The following USH2A variants were observed in gnomAD, a reference collection of about 807,000 sequenced individuals.
The protein encoded by USH2A is usherin, also known as Usher syndrome 2A (autosomal recessive, mild).
In USH2A, 443 loss-of-function variants were observed where a neutral mutation model predicts 538.9. That is an observed-to-expected ratio of 0.82 (90% confidence interval 0.76 to 0.89). The LOEUF (loss-of-function observed/expected upper bound fraction) is 0.89, where lower values mean the gene tolerates loss of function less well. Ranked by LOEUF, USH2A falls within the 40% of genes least tolerant of loss-of-function variation. USH2A has a pLI of 0.00. For synonymous variants in USH2A, 2,413 were observed against 2,273.5 expected, an observed-to-expected ratio of 1.06 and a Z score of -1.75; for missense variants, 6,633 against 6,324.8, an observed-to-expected ratio of 1.05 and a Z score of -1.65.
chr1:216,329,955 T>C (rs977473019), intron 4 of USH2A, among the ~76,000 whole-genome samples: 15 of 152,226 alleles, frequency 9.9e-5, no homozygotes, highest in African/African-American at 3.4e-4. Flanking sequence ...GATAAAATAT[T>C]GTCTAAAATA....
At chr1:215,758,891 A>G (rs2102741508) in intron 57 of USH2A, 139 bp from the exon 58 acceptor site, 1 of 889,712 alleles carries the variant, frequency 1.1e-6, no homozygotes, top group Non-Finnish European at 1.8e-6. Flanking sequence ...CAGAAACTTG[A>G]CTTGGTAGTT....
chr1:215,821,007 G>A (rs1348580863), intron 47 of USH2A, among the ~76,000 whole-genome samples: 1 of 151,730 alleles, frequency 6.6e-6, no homozygotes. Context: ...CACTTAGGTT[G>A]ATTTCATATT....
intron 61 of USH2A, among the ~76,000 whole-genome samples, chr1:215,715,146 C>T (rs116373358): frequency 1.4e-3 from 218 of 152,284 alleles, no homozygotes; most frequent in African/African-American, 5.0e-3. Flanking sequence ...CCTCCCCTCA[C>T]CCCCCTAATA....
At chr1:215,777,446 T>TA (rs1344531012) in intron 55 of USH2A, among the ~76,000 whole-genome samples, 10 of 152,254 alleles carry the variant, frequency 6.6e-5, no homozygotes, top group African/African-American at 2.4e-4. Context: ...GTTAAGTTGA[T>TA]AGATACTACA....
chr1:215,700,071 G>T (rs1658956332), intron 61 of USH2A, among the ~76,000 whole-genome samples: 1 of 152,044 alleles, frequency 6.6e-6, no homozygotes, highest in African/African-American at 2.4e-5. Flanking sequence ...TAATCATGTG[G>T]TTTTTGTCAT....
At chr1:216,164,135 A>T (rs550592436) in intron 21 of USH2A, among the ~76,000 whole-genome samples, 115 of 152,214 alleles carry the variant, frequency 7.6e-4, no homozygotes, top group African/African-American at 2.6e-3. Context: ...CCTTTTTACG[A>T]CAGCAATCAT....
chr1:215,769,831 A>G (rs1227125755), intron 55 of USH2A, among the ~76,000 whole-genome samples: 1 of 152,182 alleles, frequency 6.6e-6, no homozygotes, highest in East Asian at 1.9e-4. Context: ...TGAGGAAAGG[A>G]GACAAAGATT....
At chr1:216,400,248 A>G (rs2039283956) in intron 3 of USH2A, among the ~76,000 whole-genome samples, 1 of 151,126 alleles carries the variant, frequency 6.6e-6, no homozygotes, top group African/African-American at 2.4e-5. Flanking sequence ...AAAAGATCCA[A>G]ACGGAAACTA....
chr1:215,799,581 G>A (rs1477222786), intron 49 of USH2A, among the ~76,000 whole-genome samples: 1 of 152,064 alleles, frequency 6.6e-6, no homozygotes, highest in Non-Finnish European at 1.5e-5. Flanking sequence ...CATGAGAGGA[G>A]GTAAAAAATA....
chr1:216,089,652 C>T (rs2032246238), intron 22 of USH2A, among the ~76,000 whole-genome samples: 1 of 151,860 alleles, frequency 6.6e-6, no homozygotes, highest in South Asian at 2.1e-4. Context: ...ATACATTAAA[C>T]ATAAGGGTGG....
intron 35 of USH2A, among the ~76,000 whole-genome samples, chr1:215,984,727 CAAT>C (rs1239166443): frequency 4.6e-5 from 7 of 152,272 alleles, no homozygotes; most frequent in African/African-American, 1.4e-4. Context: ...AATTAAACAA[CAAT>C]GCTTTAGTGT....
chr1:216,295,900 T>C (rs974706086), intron 9 of USH2A, among the ~76,000 whole-genome samples: 1 of 152,054 alleles, frequency 6.6e-6, no homozygotes, highest in African/African-American at 2.4e-5. Context: ...ATTTAGTATT[T>C]TAGAACAGTT....
intron 64 of USH2A, among the ~76,000 whole-genome samples, chr1:215,655,814 C>T (rs934360398): frequency 1.4e-5 from 2 of 145,326 alleles, no homozygotes; most frequent in African/African-American, 5.1e-5. Flanking sequence ...CGACTCACTG[C>T]GATCTCCACC....
intron 30 of USH2A, among the ~76,000 whole-genome samples, chr1:216,058,781 T>C (rs1409197191): frequency 6.6e-6 from 1 of 152,172 alleles, no homozygotes; most frequent in East Asian, 1.9e-4. Context: ...CACAAAAAAA[T>C]ATTAACATTA....
rs1212931731 is a variant in USH2A, at chr1:216,190,338, T to C, written c.4281A>G (p.Leu1427=). The C allele has an allele frequency of 1.9e-6, 3 of 1,612,078 alleles. No homozygotes were observed. Among genetic ancestry groups the C allele is most frequent in the South Asian group, 2.2e-5 (2 of 91,048 alleles). Residue 1427 remains leucine, a synonymous_variant, in exon 20 of 72, where the codon CTA becomes CTG. Transcript: ENST00000307340. ...GTTTCAGTCCTTCTACAGTGTAAGATAGTTCTTGGGATTTAGCAGTGTGCA... is the reference window on the plus strand; with the variant it reads ...GTTTCAGTCCTTCTACAGTGTAAGACAGTTCTTGGGATTTAGCAGTGTGCA... ...QLLHTAKSQE[L]SYTVEGLKPY...
chr1:215,956,778 G>A (rs547183531), intron 37 of USH2A, among the ~76,000 whole-genome samples: 77 of 152,268 alleles, frequency 5.1e-4, no homozygotes, highest in African/African-American at 1.8e-3. Flanking sequence ...GCTGCTGTGT[G>A]AGTGTTGAGA....
chr1:215,870,283 T>TA (rs1558136704), intron 43 of USH2A, among the ~76,000 whole-genome samples: 1 of 148,904 alleles, frequency 6.7e-6, no homozygotes, highest in African/African-American at 2.6e-5. Context: ...TTTTTTTATT[T>TA]TTTATTTTTT....
At position 215,632,217 on chromosome 1, in the gene USH2A, C is replaced by T. The variant is rs115401539; in HGVS notation, c.15297+2242G>A. On this transcript the variant is annotated intron_variant, in intron 70 of 71. Coordinates refer to ENST00000307340, the MANE Select transcript of USH2A (RefSeq NM_206933.4). ...TGCTGGGATTACAGGTGTGAGCCAC[C>T]GAGCCTGGCCCAGACTTCTTGAGGT... is the stretch of plus-strand genomic sequence containing the variant. 5.8e-3 allele frequency among the ~76,000 whole-genome samples: 876 copies of T among 152,080 alleles called. 7 individuals are homozygous for T. The highest frequency in any genetic ancestry group is 0.02 in the African/African-American group (832 of 41,492).
intron 58 of USH2A, among the ~76,000 whole-genome samples, chr1:215,752,551 A>G (rs1365078016): frequency 6.6e-6 from 1 of 152,104 alleles, no homozygotes; most frequent in Non-Finnish European, 1.5e-5. Context: ...CTACACCTGG[A>G]ATCTGGTTTT....
Sources: gnomAD v4.1 joint callset for allele counts (sites outside exome capture counted in the v4.1 genomes callset) on GRCh38, gnomAD v4.1.1 for gene constraint, MANE v1.5 for transcripts, NCBI Gene and HGNC (gene_info 2026-07-23, HGNC 2026-07-21) for gene names.